The following CROCC2 variants were observed in gnomAD, a reference collection of about 807,000 sequenced individuals.
CROCC2 encodes ciliary rootlet coiled-coil, rootletin family member 2.
Under a neutral mutation model 177.6 loss-of-function variants are expected in CROCC2, and 163 were observed. The observed-to-expected ratio is 0.92, with a 90% confidence interval of 0.81 to 1.05. The LOEUF is 1.05. CROCC2 is among the 50% of genes least tolerant of loss of function. CROCC2 has a pLI of 0.00. For missense variants in CROCC2, 1,929 were observed against 1,797.8 expected, an observed-to-expected ratio of 1.07 and a Z score of -1.32; for synonymous variants, 904 against 787.3, an observed-to-expected ratio of 1.15 and a Z score of -2.48.
intron 1 of CROCC2, among the ~76,000 whole-genome samples, chr2:240,916,911 C>T (rs1221295281): frequency 1.3e-5 from 2 of 152,210 alleles, no homozygotes; most frequent in African/African-American, 2.4e-5. Context: ...GGGTTTAGAA[C>T]AGAATGGCTG....
chr2:240,931,365 C>T (rs11695655), intron 7 of CROCC2, among the ~76,000 whole-genome samples: 19,615 of 152,248 alleles, frequency 0.13, 1,708 homozygotes, highest in Non-Finnish European at 0.19. Context: ...TCAGGGAGCA[C>T]GGCAGGGAAC....
intron 20 of CROCC2, chr2:240,963,263 C>T (rs1199494236): frequency 4.4e-6 from 2 of 458,264 alleles, no homozygotes; most frequent in Non-Finnish European, 7.8e-6. Context: ...GCCTTGCTTA[C>T]CAGTGGTCAG....
intron 5 of CROCC2, chr2:240,929,695 G>A (rs746405549): frequency 1.8e-4 from 81 of 456,650 alleles, no homozygotes; most frequent in Non-Finnish European, 3.2e-4. Flanking sequence ...GAGCCCTCCA[G>A]AGTAAGGAGA....
chr2:240,928,420 T>TTGTGTG (rs58145871), intron 5 of CROCC2, among the ~76,000 whole-genome samples: 6,305 of 147,706 alleles, frequency 0.043, 245 homozygotes, highest in African/African-American at 0.11. Flanking sequence ...TGTGCCTGTT[T>TTGTGTG]TGTGTGTGTG....
At chr2:240,928,318 G>A (rs566270647) in intron 5 of CROCC2, among the ~76,000 whole-genome samples, 2 of 152,322 alleles carry the variant, frequency 1.3e-5, no homozygotes, top group Admixed American at 6.5e-5. Context: ...GTGATGTAGT[G>A]TGCTTCCATA....
At chr2:240,981,239 C>T (rs1475867635) in intron 27 of CROCC2, among the ~76,000 whole-genome samples, 1 of 151,652 alleles carries the variant, frequency 6.6e-6, no homozygotes, top group African/African-American at 2.4e-5. Flanking sequence ...TGCTCAGTCT[C>T]TGGGGTAGGA....
intron 18 of CROCC2, among the ~76,000 whole-genome samples, chr2:240,951,316 C>A (rs1022577215): frequency 6.6e-6 from 1 of 151,980 alleles, no homozygotes; most frequent in Non-Finnish European, 1.5e-5. Context: ...TCCATCCATC[C>A]ACCCATCCAC....
At chr2:240,941,180 T>C (rs572974925) in intron 14 of CROCC2, among the ~76,000 whole-genome samples, 1 of 152,216 alleles carries the variant, frequency 6.6e-6, no homozygotes, top group Non-Finnish European at 1.5e-5. Context: ...AAAGAAATCA[T>C]AGACGACACA....
At position 240,963,681 on chromosome 2, in the gene CROCC2, G is replaced by T; in HGVS notation, c.3213G>T (p.Ala1071=). 2 of 1,550,208 alleles carry T rather than the reference G, an allele frequency of 1.3e-6. No homozygotes were observed. Among genetic ancestry groups the T allele is most frequent in the Non-Finnish European group, 1.7e-6 (2 of 1,146,824 alleles). ...LHREAQEARR[A]LSDEAREKDV... ...GGGAGGCCCAGGAGGCCCGCCGGGCGCTGAGTGACGAGGCCCGCGAGAAGG... is the reference window on the plus strand; with the variant it reads ...GGGAGGCCCAGGAGGCCCGCCGGGCTCTGAGTGACGAGGCCCGCGAGAAGG... Residue 1071 remains alanine, a synonymous_variant, in exon 21 of 32, where the codon GCG becomes GCT. Coordinates refer to ENST00000690015, the MANE Select transcript of CROCC2 (RefSeq NM_001351305.2).
chr2:240,923,176 G>A lies in CROCC2; in HGVS notation c.488+531G>A, dbSNP rs576831625. On this transcript the variant is annotated intron_variant, in intron 4 of 31. Transcript: ENST00000690015. Reference sequence around the variant, plus strand: ...CGCTCTGCCATCCTCCCTGCCACGGGTCAACCTGGCTCATGAATAACAGGG... The same window carrying A: ...CGCTCTGCCATCCTCCCTGCCACGGATCAACCTGGCTCATGAATAACAGGG... 1.8e-4 allele frequency among the ~76,000 whole-genome samples: 27 copies of A among 152,158 alleles called. No individual in the cohort carries two copies. The South Asian group carries it at 5.4e-3, about 30-fold the overall frequency.
At chr2:240,956,771 C>CA (rs1403435597) in intron 19 of CROCC2, among the ~76,000 whole-genome samples, 1 of 152,232 alleles carries the variant, frequency 6.6e-6, no homozygotes, top group East Asian at 1.9e-4. Flanking sequence ...GCTGGACACC[C>CA]ACTGTTATTG....
chr2:240,961,599 C>T (rs1241975579), intron 20 of CROCC2, among the ~76,000 whole-genome samples: 6 of 148,890 alleles, frequency 4.0e-5, no homozygotes, highest in South Asian at 4.3e-4. Flanking sequence ...CACACACACA[C>T]GCACTCACAC....
Position 240,918,878 on chromosome 2 carries a change from TGATGGTGTGGGG to T in CROCC2, c.229+5_229+16del. ...GCCTGAGTGAGGAGCCACCCCAAGG[TGATGGTGTGGGG>T]GACAGTCCTGGGCCCGGGGCTGGCC... On this transcript the variant is annotated splice_donor_5th_base_variant and intron_variant, in intron 2 of 31. Coordinates refer to ENST00000690015, the MANE Select transcript of CROCC2 (RefSeq NM_001351305.2). This position sits in a 1 kb window ranked among gnomAD's most constrained non-coding sequence, Gnocchi z 6.3. 2.9e-6 allele frequency: 2 copies of T among 680,544 alleles called. No individual in the cohort carries two copies. Among genetic ancestry groups the T allele is most frequent in the African/African-American group, 1.8e-5 (1 of 54,980 alleles). The allele number at this position is 680,544 out of a possible 1,614,324, so 42.2% of individuals were successfully genotyped here. A position where few individuals can be genotyped will look rare whatever the true frequency, so the allele number is the denominator to read the frequency against.
chr2:240,934,625 G>A lies in CROCC2; in HGVS notation c.1791+150G>A, dbSNP rs545890478. On this transcript the variant is annotated intron_variant, in intron 12 of 31. Transcript: ENST00000690015. ...CCCAAAGTCACCAAAGTTCTCTCCCGTCCCCAACCAGTAGGCACCAGCCTG... is the reference window on the plus strand; with the variant it reads ...CCCAAAGTCACCAAAGTTCTCTCCCATCCCCAACCAGTAGGCACCAGCCTG... The A allele has an allele frequency of 7.0e-5, 62 of 879,554 alleles. No individual in the cohort carries two copies. In the East Asian group the frequency reaches 9.8e-4, roughly 14 times the overall value. The allele number at this position is 879,554 out of a possible 1,614,324, so 54.5% of individuals were successfully genotyped here. A position where few individuals can be genotyped will look rare whatever the true frequency, so the allele number is the denominator to read the frequency against.
At chr2:240,934,297 G>A (rs761389281) in intron 11 of CROCC2, 34 bp from the exon 12 acceptor site, 4 of 1,544,120 alleles carry the variant, frequency 2.6e-6, no homozygotes, top group Non-Finnish European at 3.5e-6. Flanking sequence ...TGCTCACCCT[G>A]AGCGACCTCC....
intron 14 of CROCC2, among the ~76,000 whole-genome samples, 194 bp from the exon 15 acceptor site, chr2:240,945,866 C>G (rs576855902): frequency 6.6e-6 from 1 of 152,022 alleles, no homozygotes; most frequent in African/African-American, 2.4e-5. Context: ...ACTCAGGGTA[C>G]CTGAGTGGAT....
Position 240,932,818 on chromosome 2 carries a change from G to T in CROCC2, c.1161G>T (p.Ala387=), listed in dbSNP as rs565914589. The change falls in exon 9 of 32, where the codon GCG becomes GCT. Residue 387 remains alanine (A), a synonymous_variant. Transcript: ENST00000690015. The part of the protein sequence containing the change: ...PQRATSPHQG[A]SPPHICSPAT... Reference sequence around the variant, plus strand: ...GTGCCACATCCCCCCATCAAGGGGCGTCCCCACCACACATCTGCTCCCCAG... The same window carrying T: ...GTGCCACATCCCCCCATCAAGGGGCTTCCCCACCACACATCTGCTCCCCAG... The T allele has an allele frequency of 6.5e-7, 1 of 1,538,166 alleles. No individual in the cohort carries two copies. The highest frequency in any genetic ancestry group is 1.4e-5 in the African/African-American group (1 of 72,884).
rs2059605748 is a variant in CROCC2, at chr2:240,958,185, C to T, written c.2944-1116C>T. On this transcript the variant is annotated intron_variant, in intron 19 of 31. Transcript: ENST00000690015. The surrounding 1 kb of genome is among the most constrained non-coding windows in gnomAD (Gnocchi z 6.7). ...CACCAGGCGCCAGATGACAGGACAG[C>T]GTGCGCCCCTAGGCTGAGTCACCAC... 13 of 985,228 alleles carry T rather than the reference C, an allele frequency of 1.3e-5. No homozygotes were observed. Among genetic ancestry groups the T allele is most frequent in the East Asian group, 1.1e-4 (1 of 8,812 alleles). The allele number at this position is 985,228 out of a possible 1,614,324, so 61.0% of individuals were successfully genotyped here.
intron 28 of CROCC2, among the ~76,000 whole-genome samples, chr2:240,984,308 C>T (rs555858120): frequency 1.1e-4 from 17 of 152,182 alleles, no homozygotes; most frequent in African/African-American, 3.6e-4. Flanking sequence ...TGAAACCAGA[C>T]GGAGCAGAAC....
Sources: gnomAD v4.1 joint callset for allele counts (sites outside exome capture counted in the v4.1 genomes callset) on GRCh38, gnomAD v4.1.1 for gene constraint, Gnocchi (gnomAD v3.1) non-coding constraint, MANE v1.5 for transcripts, NCBI Gene and HGNC (gene_info 2026-07-23, HGNC 2026-07-21) for gene names.